The following RPRD2 variants were observed in gnomAD, a reference collection of about 807,000 sequenced individuals.
RPRD2 encodes the protein regulation of nuclear pre-mRNA domain-containing protein 2.
In RPRD2, 12 loss-of-function variants were observed where a neutral mutation model predicts 104.4. That is an observed-to-expected ratio of 0.11 (90% CI 0.07 to 0.19). The LOEUF (loss-of-function observed/expected upper bound fraction) is 0.19. Ranked by LOEUF, RPRD2 falls within the 10% of genes least tolerant of loss-of-function variation. RPRD2 has a pLI of 1.00. For synonymous variants in RPRD2, 714 were observed against 684.9 expected, an observed-to-expected ratio of 1.04 and a Z score of -0.66; for missense variants, 1,543 against 1,790.1, an observed-to-expected ratio of 0.86 and a Z score of 2.49.
chr1:150,444,389 A>C lies in RPRD2; in HGVS notation c.694+12A>C, dbSNP rs1456454556. 2 of 1,610,008 alleles carry C rather than the reference A, an allele frequency of 1.2e-6. No individual in the cohort carries two copies. The highest frequency in any genetic ancestry group is 1.7e-5 in the Admixed American group (1 of 59,226). On this transcript the variant is annotated intron_variant, in intron 6 of 10. Transcript: ENST00000369068. ...CAAATGCTTAAAAGGTAATGCTTAC[A>C]TCCTTTTAGAGTAAGTCAGATTTTC...
At chr1:150,451,502 G>A (rs1300046455) in intron 7 of RPRD2, among the ~76,000 whole-genome samples, 2 of 151,284 alleles carry the variant, frequency 1.3e-5, no homozygotes, top group East Asian at 2.0e-4. Context: ...GTGAAACCCC[G>A]TCTCCACTAA....
At chr1:150,450,327 CCGGGTGCGGT>C (rs1553896336) in intron 7 of RPRD2, among the ~76,000 whole-genome samples, 12 of 151,936 alleles carry the variant, frequency 7.9e-5, no homozygotes, top group African/African-American at 2.4e-5. Context: ...ATTTATTTAG[CCGGGTGCGGT>C]GGCTCACGCC....
At chr1:150,368,726 A>G (rs149553874) in intron 1 of RPRD2, among the ~76,000 whole-genome samples, 3,745 of 151,940 alleles carry the variant, frequency 0.025, 147 homozygotes, top group African/African-American at 0.085. Context: ...TCAGCCTCCC[A>G]AAGTGCTGGG....
chr1:150,454,280 C>T (rs1553897170), intron 7 of RPRD2, among the ~76,000 whole-genome samples: 1 of 152,128 alleles, frequency 6.6e-6, no homozygotes, highest in Non-Finnish European at 1.5e-5. Flanking sequence ...CTCTCTTGTC[C>T]TTTTTGCCTT....
intron 2 of RPRD2, among the ~76,000 whole-genome samples, chr1:150,429,219 A>G (rs1056591253): frequency 1.3e-5 from 2 of 151,870 alleles, no homozygotes; most frequent in Admixed American, 1.3e-4. Flanking sequence ...CAATCTCCCA[A>G]GTAGCTGGGA....
chr1:150,393,596 T>C (rs587729907), intron 1 of RPRD2, among the ~76,000 whole-genome samples: 2 of 152,278 alleles, frequency 1.3e-5, no homozygotes, highest in African/African-American at 4.8e-5. Context: ...ATTATTACTT[T>C]ATTGTAGAGG....
At chr1:150,466,300 C>T (rs587662027) in intron 10 of RPRD2, among the ~76,000 whole-genome samples, 3 of 150,830 alleles carry the variant, frequency 2.0e-5, no homozygotes, top group Non-Finnish European at 4.4e-5. Context: ...ATGGTGTGAA[C>T]CCAGGAGGTG....
At chr1:150,385,851 A>G (rs1553881721) in intron 1 of RPRD2, among the ~76,000 whole-genome samples, 1 of 152,176 alleles carries the variant, frequency 6.6e-6, no homozygotes, top group African/African-American at 2.4e-5. Flanking sequence ...TTCTTTCCCC[A>G]AGGAGAAATC....
At chr1:150,374,079 G>T (rs1296940654) in intron 1 of RPRD2, among the ~76,000 whole-genome samples, 1 of 152,192 alleles carries the variant, frequency 6.6e-6, no homozygotes, top group East Asian at 1.9e-4. Context: ...CTGGTCACTG[G>T]AAAGAATAAG....
In RPRD2 at chr1:150,471,409, T is replaced by C. The variant is rs1426581983; in HGVS notation, c.2461T>C (p.Phe821Leu). Residue 821 changes from phenylalanine to leucine, a missense_variant, in exon 11 of 11, where the codon TTC (phenylalanine) becomes CTC (leucine). Physicochemically the swap from Phe to Leu is conservative, Grantham distance 22 (BLOSUM62 0). Coordinates refer to ENST00000369068, the MANE Select transcript of RPRD2 (RefSeq NM_015203.5). This position sits in a 1 kb window ranked among gnomAD's most constrained non-coding sequence, Gnocchi z 5.3. ...SSLMDSSQEKFYPDTSFQEDE... is the reference protein window; with the variant it reads ...SSLMDSSQEKLYPDTSFQEDE... ...CCTGATGGACTCTTCACAGGAAAAG[T>C]TCTACCCAGATACTTCTTTCCAAGA... 6.2e-7 allele frequency: 1 copy of C among 1,613,796 alleles called. No homozygotes were observed. Among genetic ancestry groups the C allele is most frequent in the Middle Eastern group, 1.6e-4 (1 of 6,062 alleles).
At chr1:150,388,493 C>CG (rs60455979) in intron 1 of RPRD2, among the ~76,000 whole-genome samples, 46,364 of 144,798 alleles carry the variant, frequency 0.32, 8,124 homozygotes, top group Non-Finnish European at 0.4. Flanking sequence ...ATATATATAC[C>CG]CGCGCACACA....
At chr1:150,433,408 CTATATAT>C (rs1560198224) in intron 2 of RPRD2, among the ~76,000 whole-genome samples, 3 of 122,852 alleles carry the variant, frequency 2.4e-5, no homozygotes, top group Non-Finnish European at 5.4e-5. Context: ...TATATATATA[CTATATAT>C]ACACACACAC....
In RPRD2 at chr1:150,472,882, C is replaced by G; in HGVS notation, c.3934C>G (p.Leu1312Val). Reference sequence around the variant, plus strand: ...AGTTGTACCCTTCCCAGCCCCACCACTGGCAGAGCACGGAGTGGCAGGGGC... The same window carrying G: ...AGTTGTACCCTTCCCAGCCCCACCAGTGGCAGAGCACGGAGTGGCAGGGGC... ...SGVVPFPAPP[L>V]AEHGVAGAVA... The change falls in exon 11 of 11, where the codon CTG becomes GTG. Residue 1312 changes from leucine (L) to valine (V), a missense_variant. Physicochemically the swap from Leu to Val is conservative, Grantham distance 32. This residue lies in a region of RPRD2 where 880 missense variants were observed against 885.6 expected (regional missense o/e 0.99). Transcript: ENST00000369068. 6.2e-7 allele frequency: 1 copy of G among 1,613,338 alleles called. No individual in the cohort carries two copies. The highest frequency in any genetic ancestry group is 8.5e-7 in the Non-Finnish European group (1 of 1,179,534).
chr1:150,433,993 A>T lies in RPRD2; in HGVS notation c.336-6930A>T, dbSNP rs587711254. Among the ~76,000 whole-genome samples, 6 of 152,148 alleles carry T rather than the reference A, an allele frequency of 3.9e-5. No individual in the cohort carries two copies. In the South Asian group the frequency reaches 1.2e-3, roughly 32 times the overall value. ...AGAAGAAGCACTGAACCATCAATAG[A>T]CTTAATAAGTGAGTTTTACTCTGAG... On this transcript the variant is annotated intron_variant, in intron 2 of 10. Transcript: ENST00000369068.
At chr1:150,467,920 C>T (rs777362257) in intron 10 of RPRD2, among the ~76,000 whole-genome samples, 42 of 151,680 alleles carry the variant, frequency 2.8e-4, no homozygotes, top group Non-Finnish European at 5.3e-4. Flanking sequence ...AATTCCAGCA[C>T]TTTGGGGACG....
chr1:150,472,881 A>G lies in RPRD2; in HGVS notation c.3933A>G (p.Pro1311=). 1 of 1,612,748 alleles carries G rather than the reference A, an allele frequency of 6.2e-7. No homozygotes were observed. The highest frequency in any genetic ancestry group is 8.5e-7 in the Non-Finnish European group (1 of 1,179,404). ...GAGTTGTACCCTTCCCAGCCCCACC[A>G]CTGGCAGAGCACGGAGTGGCAGGGG... ...HSGVVPFPAP[P]LAEHGVAGAV... is the part of the protein sequence containing the mutation. Residue 1311 remains proline (P), a synonymous_variant, in exon 11 of 11, where the codon CCA becomes CCG. Transcript: ENST00000369068.
intron 1 of RPRD2, among the ~76,000 whole-genome samples, chr1:150,375,002 T>A (rs1660595012): frequency 1.4e-5 from 2 of 147,384 alleles, no homozygotes; most frequent in Non-Finnish European, 3.0e-5. Flanking sequence ...TTTAGATGCC[T>A]AAGTCACCTT....
chr1:150,364,152 T>C lies in RPRD2; in HGVS notation c.-563T>C, dbSNP rs1182690909. ...CCAAGTGGCGCGTGCGCGATACTGT[T>C]GCTGCCCCTTTGCTGCTATTGCGTT... On this transcript the variant is annotated 5_prime_UTR_variant, in exon 1 of 11. Transcript: ENST00000369068. Among the ~76,000 whole-genome samples the C allele has an allele frequency of 6.6e-6, 1 of 152,220 alleles. No individual in the cohort carries two copies. The highest frequency in any genetic ancestry group is 1.5e-5 in the Non-Finnish European group (1 of 68,036).
At chr1:150,444,417 T>C (rs781853225) in intron 6 of RPRD2, 40 bp downstream of exon 6, 10 of 1,592,782 alleles carry the variant, frequency 6.3e-6, no homozygotes, top group African/African-American at 5.4e-5. Flanking sequence ...AGATTTTCTT[T>C]CCATATGTGT....
Sources: gnomAD v4.1 joint callset for allele counts (sites outside exome capture counted in the v4.1 genomes callset) on GRCh38, gnomAD v4.1.1 for gene constraint, gnomAD v4.1.1 regional missense constraint, Gnocchi (gnomAD v3.1) non-coding constraint, MANE v1.5 for transcripts, NCBI Gene and HGNC (gene_info 2026-07-23, HGNC 2026-07-21) for gene names.